SBF2: variants seen among roughly 807,000 people sequenced by gnomAD.
SBF2 encodes myotubularin-related protein 13.
Under a neutral mutation model 225.2 loss-of-function variants are expected in SBF2, and 112 were observed. The observed-to-expected ratio is 0.50, with a 90% CI of 0.43 to 0.58. The LOEUF (loss-of-function observed/expected upper bound fraction) is 0.58. Ranked by LOEUF, SBF2 falls within the 20% of genes least tolerant of loss-of-function variation. SBF2 has a pLI of 0.00. For missense variants in SBF2, 1,996 were observed against 2,206.2 expected (o/e 0.90, Z 1.91); for synonymous variants, 763 against 773.3 (o/e 0.99, Z 0.22).
chr11:9,852,844 T>G, intron 20 of SBF2, 95 bp from the exon 21 acceptor site: 1 of 961,842 alleles, frequency 1.0e-6, no homozygotes. Context: ...AATTACAGTT[T>G]ACTGGTTCCT....
At chr11:9,858,493 G>T in intron 17 of SBF2, 97 bp from the exon 18 acceptor site, 1 of 1,244,092 alleles carries the variant, frequency 8.0e-7, no homozygotes, top group Non-Finnish European at 1.2e-6. Context: ...TGAGATCAAA[G>T]GATTTCTCTA....
chr11:9,939,366 T>G (rs961091591), intron 16 of SBF2, among the ~76,000 whole-genome samples: 7 of 152,218 alleles, frequency 4.6e-5, no homozygotes, highest in South Asian at 2.1e-4. Flanking sequence ...AAAGTGCTGG[T>G]ATTACAGGCG....
At chr11:10,170,611 G>C (rs1321297030) in intron 2 of SBF2, among the ~76,000 whole-genome samples, 2 of 151,752 alleles carry the variant, frequency 1.3e-5, no homozygotes, top group Non-Finnish European at 2.9e-5. Flanking sequence ...TTTTGCTCAG[G>C]ATAGCTTTGG....
chr11:10,000,905 A>C lies in SBF2; in HGVS notation c.861+9T>G, dbSNP rs1947927028. 1.4e-6 allele frequency: 2 copies of C among 1,417,054 alleles called. No homozygotes were observed. Among genetic ancestry groups the C allele is most frequent in the Non-Finnish European group, 2.0e-6 (2 of 1,000,478 alleles). 87.8% of individuals were successfully genotyped at this position (1,417,054 alleles called of 1,614,324 possible). A position where few individuals can be genotyped will look rare whatever the true frequency, so the allele number is the denominator to read the frequency against. On this transcript the variant is annotated intron_variant, in intron 8 of 39. Transcript: ENST00000256190. ...TCAATAACTGGAAACTTTAAAGATGAATACTTACAAGTTCATGGACATCAG... is the reference window on the plus strand; with the variant it reads ...TCAATAACTGGAAACTTTAAAGATGCATACTTACAAGTTCATGGACATCAG...
chr11:9,809,543 C>T (rs1212306024), intron 30 of SBF2, among the ~76,000 whole-genome samples: 1 of 127,750 alleles, frequency 7.8e-6, no homozygotes, highest in African/African-American at 3.1e-5. Flanking sequence ...TTGTTTCAGA[C>T]ATTTTTTTTT....
At chr11:9,997,580 C>T (rs2134492834) in intron 9 of SBF2, among the ~76,000 whole-genome samples, 1 of 152,302 alleles carries the variant, frequency 6.6e-6, no homozygotes, top group South Asian at 2.1e-4. Flanking sequence ...AGATCGAGAC[C>T]ATCCTGACTA....
In SBF2 at chr11:10,240,275, A is replaced by C. The variant is rs191297769; in HGVS notation, c.56-46288T>G. ...TTAAAAGAACAAAAAAAAAAAAAAA[A>C]CAGGATAACCTGTTAAGGCTGTCTG... is the stretch of plus-strand genomic sequence containing the variant. On this transcript the variant is annotated intron_variant, in intron 1 of 39. Coordinates refer to ENST00000256190, the MANE Select transcript of SBF2 (RefSeq NM_030962.4). Among the ~76,000 whole-genome samples the C allele has an allele frequency of 6.4e-3, 953 of 149,710 alleles. 13 individuals carry two copies. The highest frequency in any genetic ancestry group is 0.02 in the African/African-American group (823 of 40,842).
chr11:9,812,808 C>A, intron 29 of SBF2, 100 bp from the exon 30 acceptor site: 2 of 1,187,844 alleles, frequency 1.7e-6, no homozygotes, highest in Middle Eastern at 2.6e-4. Context: ...TATTTGGGGC[C>A]AAATAGCTGC....
chr11:10,080,345 A>G (rs1951318065), intron 2 of SBF2, among the ~76,000 whole-genome samples: 1 of 151,832 alleles, frequency 6.6e-6, no homozygotes, highest in African/African-American at 2.4e-5. Context: ...GGAAATGCTG[A>G]TGGAATTCAT....
intron 6 of SBF2, among the ~76,000 whole-genome samples, chr11:10,013,885 CTCATTCAT>C (rs145187504): frequency 1.3e-5 from 2 of 152,028 alleles, no homozygotes; most frequent in Non-Finnish European, 2.9e-5. Context: ...TACTTACTTG[CTCATTCAT>C]TCATTCATTC....
intron 9 of SBF2, among the ~76,000 whole-genome samples, chr11:9,996,812 A>G (rs1947724436): frequency 1.3e-5 from 2 of 152,248 alleles, no homozygotes; most frequent in African/African-American, 4.8e-5. Flanking sequence ...GGTTGACCAC[A>G]TATTACCCCA....
intron 13 of SBF2, among the ~76,000 whole-genome samples, chr11:9,981,647 C>G (rs987938316): frequency 3.9e-5 from 6 of 152,008 alleles, no homozygotes; most frequent in African/African-American, 7.3e-5. Flanking sequence ...ATATTTTAAT[C>G]TTTGGATGCC....
intron 6 of SBF2, among the ~76,000 whole-genome samples, chr11:10,024,694 C>T (rs1212871518): frequency 1.3e-5 from 2 of 152,124 alleles, no homozygotes; most frequent in African/African-American, 4.8e-5. Context: ...GCAAGCTCCA[C>T]TCTTCCCTCC....
rs60485793 is a variant in SBF2, at chr11:10,094,528, A to ATTTTTTTTTTTTTTTTTT, written c.142-51565_142-51548dup. 1.2e-3 allele frequency among the ~76,000 whole-genome samples: 126 copies of ATTTTTTTTTTTTTTTTTT among 107,238 alleles called. 17 individuals carry two copies. The highest frequency in any genetic ancestry group is 0.01 in the East Asian group (34 of 3,240). The allele number at this position is 107,238 out of a possible 152,430, so 70.4% of individuals were successfully genotyped here. A position where few individuals can be genotyped will look rare whatever the true frequency, so the allele number is the denominator to read the frequency against. ...TTTTCCCTACTACAAATACACACAG[A>ATTTTTTTTTTTTTTTTTT]TTTTTTTTTTTTTTTTTTGAGACAG... On this transcript the variant is annotated intron_variant, in intron 2 of 39. Transcript: ENST00000256190.
At chr11:9,861,229 G>A (rs1032236549) in intron 17 of SBF2, among the ~76,000 whole-genome samples, 1 of 151,932 alleles carries the variant, frequency 6.6e-6, no homozygotes, top group African/African-American at 2.4e-5. Context: ...TTGGAGACAG[G>A]GTCTCACTCT....
At chr11:10,267,056 T>C (rs948683898) in intron 1 of SBF2, among the ~76,000 whole-genome samples, 2 of 152,240 alleles carry the variant, frequency 1.3e-5, no homozygotes, top group African/African-American at 4.8e-5. Context: ...ATCGTGCCAC[T>C]GCACTCCAGC....
intron 2 of SBF2, among the ~76,000 whole-genome samples, chr11:10,190,616 T>C (rs1957128324): frequency 6.6e-6 from 1 of 152,208 alleles, no homozygotes; most frequent in Non-Finnish European, 1.5e-5. Context: ...CCACCAGTTG[T>C]AAGGCTGAAC....
intron 2 of SBF2, among the ~76,000 whole-genome samples, chr11:10,179,088 G>T (rs1306771377): frequency 6.7e-6 from 1 of 148,888 alleles, no homozygotes; most frequent in African/African-American, 2.5e-5. Context: ...GTAAACTATC[G>T]CAAGAACAAA....
At chr11:10,090,856 C>G (rs1951757549) in intron 2 of SBF2, among the ~76,000 whole-genome samples, 1 of 151,334 alleles carries the variant, frequency 6.6e-6, no homozygotes, top group African/African-American at 2.4e-5. Flanking sequence ...AAGCATGAGG[C>G]CAGAATGCTA....
Sources: allele counts gnomAD v4.1 joint callset (sites outside exome capture counted in the v4.1 genomes callset), GRCh38; gene constraint gnomAD v4.1.1; transcripts MANE v1.5; gene names NCBI Gene and HGNC (gene_info 2026-07-23, HGNC 2026-07-21).